Variants in SFTPB observed in about 807,000 individuals in gnomAD.
SFTPB encodes the protein surfactant protein B, also known as pulmonary surfactant-associated protein B.
Under a neutral mutation model 51.0 loss-of-function variants are expected in SFTPB, and 32 were observed. That is an observed-to-expected ratio of 0.63 (90% CI 0.47 to 0.84). The LOEUF (loss-of-function observed/expected upper bound fraction) is 0.84. Among genes scored for constraint, SFTPB ranks in the 40% least tolerant of loss-of-function variants. The pLI is 0.00. For missense variants in SFTPB, 431 were observed against 491.2 expected (o/e 0.88, Z 1.16); for synonymous variants, 211 against 208.5 (o/e 1.01, Z -0.10).
At chr2:85,661,216 G>T in intron 10 of SFTPB, 1 of 427,700 alleles carries the variant, frequency 2.3e-6, no homozygotes, top group East Asian at 4.9e-5. Flanking sequence ...GGGGAAGCTG[G>T]GGGTTGGGCA....
At position 85,663,336 on chromosome 2, in the gene SFTPB, C is replaced by T; in HGVS notation, c.1002+10G>A. 6.2e-7 allele frequency: 1 copy of T among 1,609,918 alleles called. No homozygotes were observed. The highest frequency in any genetic ancestry group is 8.5e-7 in the Non-Finnish European group (1 of 1,180,012). On this transcript the variant is annotated intron_variant, in intron 8 of 10. Transcript: ENST00000519937. ...CCCTGACCATGAGTCCCCATGTGCC[C>T]AGCCCATACCTTTTCCCTGTCCAGC...
chr2:85,664,473 CT>C (rs1218054056), intron 6 of SFTPB, among the ~76,000 whole-genome samples: 1 of 151,406 alleles, frequency 6.6e-6, no homozygotes, highest in African/African-American at 2.4e-5. Context: ...TTCCTTCTTT[CT>C]TTTTTTTTGA....
intron 10 of SFTPB, among the ~76,000 whole-genome samples, chr2:85,660,756 T>TA (rs1177118699): frequency 6.6e-6 from 1 of 152,172 alleles, no homozygotes; most frequent in East Asian, 1.9e-4. Flanking sequence ...TGCCTGGCCT[T>TA]ACATTTTTTA....
chr2:85,661,722 G>A (rs555668835), intron 9 of SFTPB, among the ~76,000 whole-genome samples, 187 bp from the exon 10 acceptor site: 6 of 152,246 alleles, frequency 3.9e-5, no homozygotes, highest in Non-Finnish European at 7.4e-5. Context: ...GAGGTGAGAT[G>A]TTCACTCCAG....
chr2:85,667,681 C>G lies in SFTPB; in HGVS notation c.193G>C (p.Ala65Pro). 6.2e-7 allele frequency: 1 copy of G among 1,614,274 alleles called. No individual in the cohort carries two copies. The highest frequency in any genetic ancestry group is 8.5e-7 in the Non-Finnish European group (1 of 1,180,054). ...CLQEVWGHVG[A>P]DDLCQECEDI... Reference sequence around the variant, plus strand: ...CATGCATCCTTGGTGGTACTCACGGCTCCCACATGTCCCCAGACTTCCTGT... The same window carrying G: ...CATGCATCCTTGGTGGTACTCACGGGTCCCACATGTCCCCAGACTTCCTGT... The change falls in exon 2 of 11, where the codon GCC becomes CCC. Residue 65 changes from alanine to proline, a missense_variant and splice_region_variant. Ala to Pro is a conservative substitution (Grantham distance 27, BLOSUM62 -1). Transcript: ENST00000519937.
Position 85,661,668 on chromosome 2 carries a change from C to T in SFTPB, c.1084-133G>A, listed in dbSNP as rs149825633. 238 of 726,600 alleles carry T rather than the reference C, an allele frequency of 3.3e-4. 2 individuals carry two copies. The East Asian group carries it at 5.0e-3, about 15-fold the overall frequency. The allele number at this position is 726,600 out of a possible 1,614,324, so 45.0% of individuals were successfully genotyped here. A position where few individuals can be genotyped will look rare whatever the true frequency, so the allele number is the denominator to read the frequency against. Reference sequence around the variant, plus strand: ...TACCAGTGTGACTCTGTAGACCCCTCGGGCCACTCCCTGAGCCACAGGCCT... The same window carrying T: ...TACCAGTGTGACTCTGTAGACCCCTTGGGCCACTCCCTGAGCCACAGGCCT... On this transcript the variant is annotated intron_variant, in intron 9 of 10. Coordinates refer to ENST00000519937, the MANE Select transcript of SFTPB (RefSeq NM_000542.5).
chr2:85,666,135 A>G (rs989407576), intron 4 of SFTPB, among the ~76,000 whole-genome samples: 4 of 150,914 alleles, frequency 2.7e-5, no homozygotes, highest in African/African-American at 9.8e-5. Context: ...GCATGGCTGA[A>G]GGGCACGTAG....
At position 85,661,600 on chromosome 2, in the gene SFTPB, C is replaced by A. The variant is rs567527986; in HGVS notation, c.1084-65G>T. The A allele has an allele frequency of 4.4e-6, 6 of 1,377,506 alleles. No homozygotes were observed. The African/African-American group carries it at 8.6e-5, about 20-fold the overall frequency. The allele number at this position is 1,377,506 out of a possible 1,614,324, so 85.3% of individuals were successfully genotyped here. On this transcript the variant is annotated intron_variant, in intron 9 of 10. Transcript: ENST00000519937. Reference sequence around the variant, plus strand: ...CTCAGCTCCCCACACCCAGCTCTTCCGGGAAAGAACAGCACTCACTCCACC... The same window carrying A: ...CTCAGCTCCCCACACCCAGCTCTTCAGGGAAAGAACAGCACTCACTCCACC...
rs1677405335 is a variant in SFTPB at position 85,663,402 on chromosome 2, C to T, written c.946G>A (p.Ala316Thr). The T allele has an allele frequency of 6.2e-7, 1 of 1,613,882 alleles. No homozygotes were observed. Among genetic ancestry groups the T allele is most frequent in the Non-Finnish European group, 8.5e-7 (1 of 1,180,032 alleles). The change falls in exon 8 of 11, where the codon GCC becomes ACC. Residue 316 changes from alanine (A) to threonine (T), a missense_variant. Physicochemically the swap from Ala to Thr is moderately conservative, Grantham distance 58 (BLOSUM62 0). Transcript: ENST00000519937. The part of the protein sequence containing the change: ...TTQAGNSSEQ[A>T]IPQAMLQACV... ...GCCTGGAGCATTGCCTGTGGTATGG[C>T]CTGCTCGCTGCTGTTCCCGGCCTGG...
intron 2 of SFTPB, 141 bp from the exon 3 acceptor site, chr2:85,667,318 C>T (rs1297372389): frequency 1.4e-6 from 1 of 714,810 alleles, no homozygotes; most frequent in African/African-American, 1.7e-5. Context: ...TGTCCCATCT[C>T]ATCCATATCA....
chr2:85,668,178 A>G lies in SFTPB; in HGVS notation c.6T>C (p.Ala2=). ...GCAGCCACTGCAGCAGGTGTGACTC[A>G]GCCATGGCACCTCTGCAGCCTGGGT... The part of the protein sequence containing the change: M[A]ESHLLQWLLL... Residue 2 remains alanine, a synonymous_variant, in exon 1 of 11, where the codon GCT becomes GCC. Coordinates refer to ENST00000519937, the MANE Select transcript of SFTPB (RefSeq NM_000542.5). 6.4e-7 allele frequency: 1 copy of G among 1,551,426 alleles called. No individual in the cohort carries two copies. The highest frequency in any genetic ancestry group is 8.7e-7 in the Non-Finnish European group (1 of 1,146,888).
intron 4 of SFTPB, among the ~76,000 whole-genome samples, chr2:85,666,223 G>C (rs1449050157): frequency 2.2e-4 from 31 of 142,710 alleles, no homozygotes; most frequent in African/African-American, 7.5e-4. Context: ...TGCTGTGTGT[G>C]TGTGTGTGTG....
At position 85,658,775 on chromosome 2, in the gene SFTPB, G is replaced by A. The variant is rs989756606; in HGVS notation, c.*927C>T. 1.3e-5 allele frequency: 2 copies of A among 152,018 alleles called. No individual in the cohort carries two copies. Among genetic ancestry groups the A allele is most frequent in the African/African-American group, 4.8e-5 (2 of 41,382 alleles). The allele number at this position is 152,018 out of a possible 1,614,324, so 9.4% of individuals were successfully genotyped here. A position where few individuals can be genotyped will look rare whatever the true frequency, so the allele number is the denominator to read the frequency against. ...CTGACCTCAAGGATCCTCCTGCCTC[G>A]GCCTCCTAAGGTGCTGGGATTGCAG... On this transcript the variant is annotated 3_prime_UTR_variant, in exon 11 of 11. Transcript: ENST00000519937.
In SFTPB at chr2:85,658,275, T is replaced by G. The variant is rs1470933842; in HGVS notation, c.*1427A>C. 1 of 152,244 alleles carries G rather than the reference T, an allele frequency of 6.6e-6. No homozygotes were observed. Among genetic ancestry groups the G allele is most frequent in the Non-Finnish European group, 1.5e-5 (1 of 68,046 alleles). The allele number at this position is 152,244 out of a possible 1,614,324, so 9.4% of individuals were successfully genotyped here. ...AGGCATTTCAGTCTTTAAGAAAAGC[T>G]AAGGCTTGTTTGGCTTTTTGTTTAT... On this transcript the variant is annotated 3_prime_UTR_variant, in exon 11 of 11. Transcript: ENST00000519937.
intron 8 of SFTPB, among the ~76,000 whole-genome samples, chr2:85,662,969 G>A (rs1388759045): frequency 6.6e-6 from 1 of 151,972 alleles, no homozygotes; most frequent in Non-Finnish European, 1.5e-5. Context: ...GTCACACCTT[G>A]AGGAGTGTGG....
chr2:85,661,641 G>T, intron 9 of SFTPB, 106 bp from the exon 10 acceptor site: 1 of 941,156 alleles, frequency 1.1e-6, no homozygotes, highest in Non-Finnish European at 1.6e-6. Flanking sequence ...CCTAGTGGGT[G>T]CTACCAGTGT....
intron 4 of SFTPB, 122 bp from the exon 5 acceptor site, chr2:85,665,916 G>T: frequency 1.1e-6 from 1 of 877,456 alleles, no homozygotes; most frequent in Non-Finnish European, 1.8e-6. Context: ...GGGGTGCTGT[G>T]GTTTAGAACT....
intron 4 of SFTPB, 128 bp from the exon 5 acceptor site, chr2:85,665,922 G>T: frequency 1.2e-6 from 1 of 844,850 alleles, no homozygotes. Flanking sequence ...CTGTGGTTTA[G>T]AACTCTATGT....
rs1264879346 is a variant in SFTPB, at chr2:85,657,689, C to T, written c.*2013G>A. On this transcript the variant is annotated 3_prime_UTR_variant, in exon 11 of 11. Transcript: ENST00000519937. The stretch of plus-strand genomic sequence containing the variant: ...GACTACCAAACAGGCTTTGTGTGAA[C>T]AATAAAGCTTTTTAATCACCTGGGT... 2.0e-5 allele frequency: 3 copies of T among 152,168 alleles called. No individual in the cohort carries two copies. Among genetic ancestry groups the T allele is most frequent in the Non-Finnish European group, 2.9e-5 (2 of 68,042 alleles). 9.4% of individuals were successfully genotyped at this position (152,168 alleles called of 1,614,324 possible).
Sources: allele counts gnomAD v4.1 joint callset (sites outside exome capture counted in the v4.1 genomes callset), GRCh38; gene constraint gnomAD v4.1.1; transcripts MANE v1.5; gene names NCBI Gene and HGNC (gene_info 2026-07-23, HGNC 2026-07-21).